Variants in DAP observed in about 807,000 individuals in gnomAD.
DAP encodes death-associated protein 1.
In DAP, 8 loss-of-function variants were observed where a neutral mutation model predicts 13.8. The observed-to-expected ratio is 0.58, with a 90% CI of 0.34 to 1.05. DAP has a LOEUF of 1.05. DAP is among the 50% of genes least tolerant of loss of function. DAP has a pLI of 0.03. For missense variants in DAP, 106 were observed against 133.2 expected (o/e 0.80, Z 1.01); for synonymous variants, 47 against 47.5 (o/e 0.99, Z 0.04).
At chr5:10,755,441 T>C (rs1219214795) in intron 1 of DAP, among the ~76,000 whole-genome samples, 2 of 152,106 alleles carry the variant, frequency 1.3e-5, no homozygotes, top group African/African-American at 4.8e-5. Flanking sequence ...ACAGCAGCCA[T>C]AGGAAACTGA....
intron 2 of DAP, among the ~76,000 whole-genome samples, chr5:10,716,786 G>GTATC (rs1739001606): frequency 6.6e-6 from 1 of 152,168 alleles, no homozygotes; most frequent in Admixed American, 6.5e-5. Context: ...TTATATGTAT[G>GTATC]TATCTACCTA....
At chr5:10,745,037 GAATT>G (rs566687049) in intron 2 of DAP, among the ~76,000 whole-genome samples, 48 of 152,332 alleles carry the variant, frequency 3.2e-4, no homozygotes, top group African/African-American at 1.1e-3. Context: ...CAGATCAAAT[GAATT>G]AATATGAACA....
chr5:10,703,611 T>C (rs1738632838), intron 2 of DAP, among the ~76,000 whole-genome samples: 1 of 152,270 alleles, frequency 6.6e-6, no homozygotes, highest in South Asian at 2.1e-4. Flanking sequence ...GAATAAATTA[T>C]TAAACTATTA....
intron 2 of DAP, among the ~76,000 whole-genome samples, chr5:10,735,868 T>C (rs901692367): frequency 1.4e-4 from 22 of 152,202 alleles, no homozygotes; most frequent in Non-Finnish European, 1.5e-5. Flanking sequence ...GCTTGCTTGT[T>C]GTGGGTTGAA....
At chr5:10,741,004 A>C (rs1739739422) in intron 2 of DAP, among the ~76,000 whole-genome samples, 1 of 152,220 alleles carries the variant, frequency 6.6e-6, no homozygotes, top group Non-Finnish European at 1.5e-5. Flanking sequence ...TGTAGAGCTG[A>C]CTGTTCACAT....
rs556726847 is a variant in DAP at position 10,759,141 on chromosome 5, C to G, written c.55+1873G>C. Reference sequence around the variant, plus strand: ...GGCGGAGGTTGCAGTGAGCCAAGATCGTGCCACTGCACTCCCAGGTGACAG... The same window carrying G: ...GGCGGAGGTTGCAGTGAGCCAAGATGGTGCCACTGCACTCCCAGGTGACAG... On this transcript the variant is annotated intron_variant, in intron 1 of 3. Coordinates refer to ENST00000230895, the MANE Select transcript of DAP (RefSeq NM_004394.3). Among the ~76,000 whole-genome samples the G allele has an allele frequency of 1.6e-4, 25 of 152,340 alleles. No individual in the cohort carries two copies. In the South Asian group the frequency reaches 5.0e-3, roughly 30 times the overall value.
At chr5:10,717,197 G>C (rs1051736128) in intron 2 of DAP, among the ~76,000 whole-genome samples, 3 of 152,138 alleles carry the variant, frequency 2.0e-5, no homozygotes, top group Non-Finnish European at 4.4e-5. Context: ...TTCTGTCTCC[G>C]GGCTTCAGAA....
intron 2 of DAP, among the ~76,000 whole-genome samples, chr5:10,688,178 A>G (rs1738204109): frequency 6.6e-6 from 1 of 152,012 alleles, no homozygotes; most frequent in East Asian, 1.9e-4. Context: ...GACCTCCGAA[A>G]GTGCTAGGAT....
chr5:10,745,771 T>G (rs1739885831), intron 2 of DAP, among the ~76,000 whole-genome samples: 1 of 152,234 alleles, frequency 6.6e-6, no homozygotes, highest in Non-Finnish European at 1.5e-5. Context: ...AAGCAGTGTT[T>G]CATTAACTTT....
chr5:10,691,527 T>A (rs1219700133), intron 2 of DAP, among the ~76,000 whole-genome samples: 2 of 152,248 alleles, frequency 1.3e-5, no homozygotes, highest in Non-Finnish European at 2.9e-5. Context: ...CCATTAGGCT[T>A]CCATGCAAAG....
chr5:10,741,493 T>C (rs1232564153), intron 2 of DAP, among the ~76,000 whole-genome samples: 1 of 152,164 alleles, frequency 6.6e-6, no homozygotes, highest in East Asian at 1.9e-4. Context: ...TTTTATAGTA[T>C]TGGTAGAAGT....
intron 2 of DAP, among the ~76,000 whole-genome samples, chr5:10,696,732 T>C (rs1274502573): frequency 6.6e-6 from 1 of 152,246 alleles, no homozygotes; most frequent in African/African-American, 2.4e-5. Flanking sequence ...CTCTCTCATT[T>C]CTTTCAAGAC....
chr5:10,719,409 T>C (rs1265339015), intron 2 of DAP, among the ~76,000 whole-genome samples: 2 of 152,190 alleles, frequency 1.3e-5, no homozygotes, highest in Non-Finnish European at 2.9e-5. Context: ...AGGGGTGCTG[T>C]TTGGAGCCTA....
At position 10,750,834 on chromosome 5, in the gene DAP, C is replaced by T. The variant is rs545207541; in HGVS notation, c.56-2563G>A. On this transcript the variant is annotated intron_variant, in intron 1 of 3. Coordinates refer to ENST00000230895, the MANE Select transcript of DAP (RefSeq NM_004394.3). ...CACTGGGCTTTACCAGTAAGGATCT[C>T]ATGGGGCCTGTGATGCAGACAGCAA... is the stretch of plus-strand genomic sequence containing the variant. 5.3e-5 allele frequency among the ~76,000 whole-genome samples: 8 copies of T among 152,302 alleles called. No individual in the cohort carries two copies. In the South Asian group the frequency reaches 1.7e-3, roughly 32 times the overall value.
intron 2 of DAP, among the ~76,000 whole-genome samples, chr5:10,713,039 GACCA>G (rs1178282570): frequency 6.6e-6 from 1 of 151,862 alleles, no homozygotes; most frequent in Non-Finnish European, 1.5e-5. Flanking sequence ...CCAACCAGCC[GACCA>G]ACCAGCCAAC....
At chr5:10,692,041 A>G (rs1738322100) in intron 2 of DAP, among the ~76,000 whole-genome samples, 1 of 152,236 alleles carries the variant, frequency 6.6e-6, no homozygotes, top group Admixed American at 6.5e-5. Context: ...TCAGTGACTG[A>G]GTAACCCTGT....
intron 2 of DAP, among the ~76,000 whole-genome samples, chr5:10,699,343 T>A (rs1738510938): frequency 6.6e-6 from 1 of 152,256 alleles, no homozygotes; most frequent in Admixed American, 6.5e-5. Flanking sequence ...TGTCTCCGCT[T>A]CTTATCACTG....
intron 2 of DAP, among the ~76,000 whole-genome samples, chr5:10,709,960 AC>A (rs1177637460): frequency 6.6e-6 from 1 of 152,130 alleles, no homozygotes; most frequent in Non-Finnish European, 1.5e-5. Context: ...CCTTCCTCAA[AC>A]ACAGAGGCCC....
intron 2 of DAP, among the ~76,000 whole-genome samples, chr5:10,715,461 C>G (rs1490509739): frequency 6.6e-6 from 1 of 152,178 alleles, no homozygotes; most frequent in Non-Finnish European, 1.5e-5. Context: ...GGAGTAGAAG[C>G]CTGAGCTGCC....
Sources: gnomAD v4.1 joint callset for allele counts (sites outside exome capture counted in the v4.1 genomes callset) on GRCh38, gnomAD v4.1.1 for gene constraint, MANE v1.5 for transcripts, NCBI Gene and HGNC (gene_info 2026-07-23, HGNC 2026-07-21) for gene names.